The following EPM2A variants were observed in gnomAD, a reference collection of about 807,000 sequenced individuals.
EPM2A encodes the protein EPM2A glucan phosphatase, laforin.
EPM2A carries 21 observed loss-of-function variants against 26.5 expected under a neutral mutation model. That is an observed-to-expected ratio of 0.79 (90% confidence interval 0.56 to 1.14). The LOEUF (loss-of-function observed/expected upper bound fraction) is 1.14, where lower values mean the gene tolerates loss of function less well. Among genes scored for constraint, EPM2A ranks in the 50% most tolerant of loss-of-function variants. The pLI is 0.00. For missense variants in EPM2A, 458 were observed against 440.8 expected (o/e 1.04, Z -0.35); for synonymous variants, 217 against 177.6 (o/e 1.22, Z -1.76).
At chr6:145,408,649 T>C (rs1243879764) in intron 4 of EPM2A, among the ~76,000 whole-genome samples, 1 of 152,172 alleles carries the variant, frequency 6.6e-6, no homozygotes, top group Non-Finnish European at 1.5e-5. Flanking sequence ...AACAGATACC[T>C]GCTGGGCACA....
At chr6:145,390,547 A>C (rs1368875107) in intron 4 of EPM2A, among the ~76,000 whole-genome samples, 1 of 136,728 alleles carries the variant, frequency 7.3e-6, no homozygotes, top group Non-Finnish European at 1.6e-5. Context: ...TTATTTATCC[A>C]TGTTGTGCAT....
At chr6:145,662,757 G>A (rs1056159786) in intron 2 of EPM2A, among the ~76,000 whole-genome samples, 5 of 152,162 alleles carry the variant, frequency 3.3e-5, no homozygotes, top group Non-Finnish European at 7.3e-5. Flanking sequence ...GGAAAATGAG[G>A]AACCCGATCA....
chr6:145,583,079 C>A (rs1051535209), intron 2 of EPM2A, among the ~76,000 whole-genome samples: 3 of 152,006 alleles, frequency 2.0e-5, no homozygotes, highest in African/African-American at 7.2e-5. Context: ...TTTTTTAGAT[C>A]TTTGGATTGG....
chr6:145,508,349 T>C (rs1377497044), intron 2 of EPM2A, among the ~76,000 whole-genome samples: 2 of 152,206 alleles, frequency 1.3e-5, no homozygotes, highest in South Asian at 2.1e-4. Flanking sequence ...GCAAAGAGCC[T>C]CTTGCTGGCT....
chr6:145,667,392 C>G (rs1479677584), intron 2 of EPM2A, among the ~76,000 whole-genome samples: 1 of 146,008 alleles, frequency 6.8e-6, no homozygotes, highest in Non-Finnish European at 1.5e-5. Flanking sequence ...GATATTTATG[C>G]AGCCAAAAAA....
chr6:145,600,990 G>A (rs958557835), intron 2 of EPM2A, among the ~76,000 whole-genome samples: 2 of 152,226 alleles, frequency 1.3e-5, no homozygotes, highest in African/African-American at 2.4e-5. Flanking sequence ...CAGGTTGGGG[G>A]GAGGCAGATG....
chr6:145,425,857 G>A (rs1025163775), intron 4 of EPM2A, among the ~76,000 whole-genome samples: 2 of 152,056 alleles, frequency 1.3e-5, no homozygotes, highest in African/African-American at 2.4e-5. Flanking sequence ...CACAAAGACT[G>A]CAGTGAACTT....
chr6:145,475,237 CTAGA>C (rs750109137), intron 4 of EPM2A, among the ~76,000 whole-genome samples: 18 of 152,164 alleles, frequency 1.2e-4, no homozygotes, highest in East Asian at 1.9e-4. Context: ...CAATGATAGA[CTAGA>C]TAAAGAAAAT....
chr6:145,702,502 T>A (rs761255404), intron 1 of EPM2A, among the ~76,000 whole-genome samples: 1 of 151,994 alleles, frequency 6.6e-6, no homozygotes, highest in African/African-American at 2.4e-5. Context: ...AAAATGCCTA[T>A]CTGCCTCATA....
intron 1 of EPM2A, among the ~76,000 whole-genome samples, chr6:145,730,846 T>C (rs537435131): frequency 6.6e-6 from 1 of 152,156 alleles, no homozygotes; most frequent in South Asian, 2.1e-4. Context: ...AAAAGCAACA[T>C]GAAAGAGGAA....
chr6:145,516,916 T>C (rs1780135826), intron 2 of EPM2A, among the ~76,000 whole-genome samples: 1 of 152,220 alleles, frequency 6.6e-6, no homozygotes, highest in African/African-American at 2.4e-5. Context: ...TACAACATTA[T>C]TCACAATAGC....
At chr6:145,711,010 T>A (rs1436773024) in intron 1 of EPM2A, among the ~76,000 whole-genome samples, 2 of 148,742 alleles carry the variant, frequency 1.3e-5, no homozygotes, top group Non-Finnish European at 3.0e-5. Flanking sequence ...TTAGGAGATA[T>A]ACCTAATGTT....
At chr6:145,474,287 C>A (rs1369683510) in intron 4 of EPM2A, among the ~76,000 whole-genome samples, 1 of 151,978 alleles carries the variant, frequency 6.6e-6, no homozygotes, top group Non-Finnish European at 1.5e-5. Flanking sequence ...ACTGGTGAAA[C>A]CCCATCTCTA....
At chr6:145,394,914 C>G (rs1778385093) in intron 4 of EPM2A, among the ~76,000 whole-genome samples, 1 of 152,122 alleles carries the variant, frequency 6.6e-6, no homozygotes, top group Non-Finnish European at 1.5e-5. Context: ...CCCAACAATC[C>G]TACCCTATTA....
intron 2 of EPM2A, among the ~76,000 whole-genome samples, chr6:145,589,903 A>G (rs953159553): frequency 4.8e-5 from 7 of 146,112 alleles, no homozygotes; most frequent in East Asian, 2.0e-4. Flanking sequence ...AAAAAAAAAG[A>G]AAAAAAAGAA....
chr6:145,408,417 C>T (rs1005601856), intron 4 of EPM2A, among the ~76,000 whole-genome samples: 18 of 152,150 alleles, frequency 1.2e-4, no homozygotes, highest in Non-Finnish European at 2.1e-4. Context: ...GGCCCCTCTA[C>T]GCTAGGTTGA....
intron 1 of EPM2A, among the ~76,000 whole-genome samples, chr6:145,703,853 T>C (rs1356901694): frequency 6.6e-6 from 1 of 152,194 alleles, no homozygotes; most frequent in Non-Finnish European, 1.5e-5. Flanking sequence ...GAAACCATGA[T>C]AAAGTGTTTC....
chr6:145,565,825 T>C (rs926080206), intron 2 of EPM2A, among the ~76,000 whole-genome samples: 3 of 152,066 alleles, frequency 2.0e-5, no homozygotes, highest in Non-Finnish European at 2.9e-5. Flanking sequence ...GAATCCTCTA[T>C]GCGATGAGGT....
At chr6:145,656,118 T>A (rs1483190950) in intron 2 of EPM2A, among the ~76,000 whole-genome samples, 1 of 152,160 alleles carries the variant, frequency 6.6e-6, no homozygotes, top group Non-Finnish European at 1.5e-5. Context: ...ATGATAAAAA[T>A]GAAGCCACAG....
Sources: allele counts gnomAD v4.1 joint callset (sites outside exome capture counted in the v4.1 genomes callset), GRCh38; gene constraint gnomAD v4.1.1; transcripts MANE v1.5; gene names NCBI Gene and HGNC (gene_info 2026-07-23, HGNC 2026-07-21).